The following GHR variants were observed in gnomAD, a reference collection of about 807,000 sequenced individuals.
GHR encodes the protein GH receptor.
GHR carries 35 observed loss-of-function variants against 67.1 expected under a neutral mutation model. The ratio of observed to expected loss-of-function variants is 0.52; its 90% CI spans 0.40 to 0.69. The LOEUF (loss-of-function observed/expected upper bound fraction) is 0.69. Ranked by LOEUF, GHR falls within the 30% of genes least tolerant of loss-of-function variation. The probability of loss-of-function intolerance (pLI) is 0.00; values close to 1 mark genes in which losing one functional copy is unlikely to be tolerated. For missense variants in GHR, 792 were observed against 764.6 expected (o/e 1.04, Z -0.42); for synonymous variants, 272 against 269.1 (o/e 1.01, Z -0.10).
intron 1 of GHR, among the ~76,000 whole-genome samples, chr5:42,438,720 T>C (rs1346561221): frequency 6.6e-6 from 1 of 151,912 alleles, no homozygotes; most frequent in African/African-American, 2.4e-5. Context: ...ATGAGAGTAA[T>C]GGAATCTTGA....
intron 2 of GHR, among the ~76,000 whole-genome samples, chr5:42,584,996 T>G (rs575678724): frequency 6.6e-6 from 1 of 152,296 alleles, no homozygotes; most frequent in East Asian, 1.9e-4. Flanking sequence ...TTTAAAAATT[T>G]TGTTACCTTG....
chr5:42,457,776 T>G (rs930641920), intron 1 of GHR, among the ~76,000 whole-genome samples: 1 of 152,180 alleles, frequency 6.6e-6, no homozygotes, highest in South Asian at 2.1e-4. Context: ...ATTACAGAAT[T>G]CCATGAACAT....
chr5:42,651,623 A>G (rs191992399), intron 3 of GHR, among the ~76,000 whole-genome samples: 11 of 152,302 alleles, frequency 7.2e-5, no homozygotes, highest in Non-Finnish European at 1.5e-5. Flanking sequence ...TATTGCCCCT[A>G]TTGCATCTGT....
At chr5:42,528,498 A>G (rs1305614080) in intron 1 of GHR, among the ~76,000 whole-genome samples, 2 of 152,230 alleles carry the variant, frequency 1.3e-5, no homozygotes, top group Admixed American at 6.5e-5. Flanking sequence ...TAAAACTTGA[A>G]CAGATGAGGA....
At chr5:42,663,845 C>A (rs1271364852) in intron 3 of GHR, among the ~76,000 whole-genome samples, 1 of 152,082 alleles carries the variant, frequency 6.6e-6, no homozygotes, top group Non-Finnish European at 1.5e-5. Context: ...TCTAGAAAAC[C>A]CCATTGTCTC....
intron 1 of GHR, among the ~76,000 whole-genome samples, chr5:42,538,098 G>A (rs1414005980): frequency 6.6e-6 from 1 of 152,128 alleles, no homozygotes; most frequent in East Asian, 1.9e-4. Flanking sequence ...TGGTTGGTGA[G>A]TTCTTATCTA....
Position 42,635,210 on chromosome 5 carries a change from T to C in GHR, c.136+6107T>C, listed in dbSNP as rs2112766433. The stretch of plus-strand genomic sequence containing the variant: ...TGGCTCTCTCTTGTACCCAACCTAG[T>C]GCTCAGCCTTTCCTGACTCACATAA... On this transcript the variant is annotated intron_variant, in intron 3 of 9. Coordinates refer to ENST00000230882, the MANE Select transcript of GHR (RefSeq NM_000163.5). Among the ~76,000 whole-genome samples the C allele has an allele frequency of 2.0e-5, 3 of 152,306 alleles. 1 individual carries two copies. In the South Asian group the frequency reaches 6.2e-4, roughly 32 times the overall value.
At chr5:42,688,864 C>T (rs1192716214) in intron 3 of GHR, 26 bp from the exon 4 acceptor site, 1 of 1,611,042 alleles carries the variant, frequency 6.2e-7, no homozygotes, top group Admixed American at 1.7e-5. Flanking sequence ...TGATTTCATG[C>T]CTTGCCTTTT....
At chr5:42,663,301 T>C (rs553980718) in intron 3 of GHR, among the ~76,000 whole-genome samples, 86 of 152,262 alleles carry the variant, frequency 5.6e-4, no homozygotes, top group Admixed American at 1.5e-3. Flanking sequence ...AAAAAGAGAA[T>C]TTTAGGCCAA....
intron 1 of GHR, among the ~76,000 whole-genome samples, chr5:42,446,925 T>G (rs970073354): frequency 1.3e-5 from 2 of 152,230 alleles, no homozygotes; most frequent in Non-Finnish European, 2.9e-5. Flanking sequence ...TGATTATTAG[T>G]GTTGGCAAGG....
intron 2 of GHR, among the ~76,000 whole-genome samples, chr5:42,588,610 A>G (rs1751618286): frequency 6.7e-6 from 1 of 150,260 alleles, no homozygotes; most frequent in African/African-American, 2.4e-5. Context: ...TATTTTCTCC[A>G]AAGTAAATTG....
intron 1 of GHR, among the ~76,000 whole-genome samples, chr5:42,459,376 G>A (rs1326698006): frequency 6.6e-6 from 1 of 152,180 alleles, no homozygotes; most frequent in African/African-American, 2.4e-5. Flanking sequence ...CATGGATGAA[G>A]CTGGAGGCCA....
chr5:42,504,570 C>A (rs1429788940), intron 1 of GHR, among the ~76,000 whole-genome samples: 1 of 151,966 alleles, frequency 6.6e-6, no homozygotes, highest in Non-Finnish European at 1.5e-5. Flanking sequence ...ATCATCCTGG[C>A]CAACATGATG....
chr5:42,711,273 C>A lies in GHR; in HGVS notation c.685C>A (p.Arg229Ser). The change falls in exon 7 of 10, where the codon CGT (arginine) becomes AGT (serine). Residue 229 changes from arginine (R) to serine (S), a missense_variant. Arg to Ser is a moderately radical substitution (Grantham distance 110). Coordinates refer to ENST00000230882, the MANE Select transcript of GHR (RefSeq NM_000163.5). ...GAAAGTGGATAAGGAATATGAAGTG[C>A]GTGTGAGATCCAAACAACGAAACTC... ...SLKVDKEYEV[R>S]VRSKQRNSGN... The A allele has an allele frequency of 1.2e-6, 2 of 1,611,120 alleles. No individual in the cohort carries two copies. Among genetic ancestry groups the A allele is most frequent in the Non-Finnish European group, 1.7e-6 (2 of 1,177,358 alleles).
At chr5:42,667,261 T>G (rs1466608829) in intron 3 of GHR, among the ~76,000 whole-genome samples, 1 of 152,188 alleles carries the variant, frequency 6.6e-6, no homozygotes, top group Admixed American at 6.5e-5. Context: ...TGCCTCACTG[T>G]CATCCTCTGA....
chr5:42,678,027 A>G (rs1756656812), intron 3 of GHR, among the ~76,000 whole-genome samples: 1 of 152,254 alleles, frequency 6.6e-6, no homozygotes, highest in Admixed American at 6.5e-5. Flanking sequence ...GAGCATTTAT[A>G]TAATGCTTAC....
intron 1 of GHR, among the ~76,000 whole-genome samples, chr5:42,470,131 TATTAC>T (rs1744937854): frequency 7.5e-6 from 1 of 133,914 alleles, no homozygotes; most frequent in Non-Finnish European, 1.6e-5. Flanking sequence ...TAATATATGT[TATTAC>T]ATTAATATAC....
chr5:42,454,597 T>A (rs1268449242), intron 1 of GHR, among the ~76,000 whole-genome samples: 3 of 152,228 alleles, frequency 2.0e-5, no homozygotes, highest in Non-Finnish European at 4.4e-5. Context: ...CCAGAGGGGA[T>A]TATGGCTGCC....
rs374976808 is a variant in GHR at position 42,663,433 on chromosome 5, G to T, written c.137-25457G>T. 3.6e-4 allele frequency among the ~76,000 whole-genome samples: 55 copies of T among 152,280 alleles called. No homozygotes were observed. The East Asian group carries it at 5.0e-3, about 14-fold the overall frequency. On this transcript the variant is annotated intron_variant, in intron 3 of 9. Transcript: ENST00000230882. ...GCTTCATCCCTGGGATGCAAGGCTG[G>T]TTCAATATTTGCAAATCAATAAATG... is the stretch of plus-strand genomic sequence containing the variant.
Sources: allele counts gnomAD v4.1 joint callset (sites outside exome capture counted in the v4.1 genomes callset), GRCh38; gene constraint gnomAD v4.1.1; transcripts MANE v1.5; gene names NCBI Gene and HGNC (gene_info 2026-07-23, HGNC 2026-07-21).